P2RX5: variants seen among roughly 807,000 people sequenced by gnomAD.
P2RX5 encodes purinergic receptor P2X 5, also known as P2X purinoceptor 5.
In P2RX5, 46 loss-of-function variants were observed where a neutral mutation model predicts 54.1. That is an observed-to-expected ratio of 0.85 (90% CI 0.67 to 1.09). The LOEUF (loss-of-function observed/expected upper bound fraction) is 1.09, where lower values mean the gene tolerates loss of function less well. Ranked by LOEUF, P2RX5 falls within the 50% of genes least tolerant of loss-of-function variation. P2RX5 has a pLI of 0.00. For synonymous variants in P2RX5, 226 were observed against 226.4 expected (o/e 1.00, Z 0.02); for missense variants, 566 against 549.8 (o/e 1.03, Z -0.29).
intron 1 of P2RX5, among the ~76,000 whole-genome samples, chr17:3,692,242 G>A (rs1402845850): frequency 1.3e-5 from 2 of 151,920 alleles, no homozygotes; most frequent in Admixed American, 6.6e-5. Context: ...GCGTGAACCC[G>A]GGAGGCAGAG....
chr17:3,692,580 G>T (rs1389276144), intron 1 of P2RX5, among the ~76,000 whole-genome samples: 1 of 152,134 alleles, frequency 6.6e-6, no homozygotes, highest in Non-Finnish European at 1.5e-5. Flanking sequence ...GGTGGCTCGC[G>T]CCTGTACTCC....
chr17:3,683,748 A>AAGG (rs71379594), intron 9 of P2RX5, among the ~76,000 whole-genome samples: 1 of 142,410 alleles, frequency 7.0e-6, no homozygotes. Context: ...AAAAAAAAAA[A>AAGG]GAAAAGTGAT....
the P2RX5 span, among the ~76,000 whole-genome samples, chr17:3,702,761 A>C: frequency 1.3e-5 from 2 of 152,220 alleles, no homozygotes; most frequent in Non-Finnish European, 2.9e-5. Context: ...AGTCAGCGAG[A>C]CCAAGAACCC....
chr17:3,675,509 G>A (rs764475946), intron 11 of P2RX5: 196 of 984,960 alleles, frequency 2.0e-4, no homozygotes, highest in Non-Finnish European at 2.2e-4. Flanking sequence ...AAGGCTTTGC[G>A]TCAGTGAAGA....
Position 3,673,859 on chromosome 17 carries a change from A to C in P2RX5, c.*9T>G, listed in dbSNP as rs371288336. On this transcript the variant is annotated 3_prime_UTR_variant, in exon 12 of 12. Transcript: ENST00000225328. The stretch of plus-strand genomic sequence containing the variant: ...TTTAGGACAGGGCCTGAACGTAAGC[A>C]GAGGCAATTCACGTGCTCCTGGAAT... 1.1e-5 allele frequency: 18 copies of C among 1,613,078 alleles called. No homozygotes were observed. Among genetic ancestry groups the C allele is most frequent in the Non-Finnish European group, 1.4e-5 (16 of 1,179,962 alleles).
At chr17:3,699,917 G>A (rs28418752), upstream of P2RX5, among the ~76,000 whole-genome samples, 12,160 of 75,156 alleles carry the variant, frequency 0.16, 1,440 homozygotes, top group South Asian at 0.36. Flanking sequence ...AAGGAAGGAA[G>A]GAAAGAAAGA....
the P2RX5 span, among the ~76,000 whole-genome samples, chr17:3,723,024 A>T: frequency 6.6e-6 from 1 of 152,208 alleles, no homozygotes; most frequent in African/African-American, 2.4e-5. Context: ...TGGCCCTGAA[A>T]TGGCAGGGCT....
At chr17:3,718,980 C>T in the P2RX5 span, among the ~76,000 whole-genome samples, 1 of 151,868 alleles carries the variant, frequency 6.6e-6, no homozygotes, top group African/African-American at 2.4e-5. Flanking sequence ...GCCTGTAATC[C>T]CAGCACTTTG....
At chr17:3,710,646 G>A in the P2RX5 span, among the ~76,000 whole-genome samples, 1 of 151,940 alleles carries the variant, frequency 6.6e-6, no homozygotes, top group South Asian at 2.1e-4. Flanking sequence ...GACAGCAGGA[G>A]GCCGGGCGTG....
At chr17:3,681,367 T>G (rs971767453) in intron 10 of P2RX5, among the ~76,000 whole-genome samples, 4 of 139,366 alleles carry the variant, frequency 2.9e-5, no homozygotes, top group African/African-American at 1.0e-4. Context: ...CTTCCCGCCC[T>G]CCCACAGTCA....
rs769397396 is a variant in P2RX5, at chr17:3,673,300, A to C, written c.*568T>G. ...AGAATACATATCTTGGGCAGGTCCCAGAAAGCGTCTGCCATCTCCCCCACT... is the reference window on the plus strand; with the variant it reads ...AGAATACATATCTTGGGCAGGTCCCCGAAAGCGTCTGCCATCTCCCCCACT... On this transcript the variant is annotated 3_prime_UTR_variant, in exon 12 of 12. Transcript: ENST00000225328. 1.5e-5 allele frequency: 15 copies of C among 992,754 alleles called. No homozygotes were observed. Among genetic ancestry groups the C allele is most frequent in the Non-Finnish European group, 1.8e-5 (15 of 833,562 alleles). The allele number at this position is 992,754 out of a possible 1,614,324, so 61.5% of individuals were successfully genotyped here.
the P2RX5 span, among the ~76,000 whole-genome samples, chr17:3,704,598 A>G: frequency 1.3e-4 from 20 of 152,346 alleles, no homozygotes; most frequent in South Asian, 1.0e-3. Flanking sequence ...ACCGTAATTG[A>G]TGGGTTGGTA....
chr17:3,714,459 C>T, the P2RX5 span, among the ~76,000 whole-genome samples: 1 of 151,930 alleles, frequency 6.6e-6, no homozygotes, highest in South Asian at 2.1e-4. Flanking sequence ...ATCTCTTGAC[C>T]TCGTGATCTG....
the P2RX5 span, chr17:3,714,630 C>T: frequency 2.3e-6 from 1 of 431,798 alleles, no homozygotes; most frequent in Admixed American, 4.2e-5. Context: ...GGCACTACTG[C>T]AAAGAAAAGT....
chr17:3,683,745 A>G lies in P2RX5; in HGVS notation c.982-1767T>C, dbSNP rs993444818. On this transcript the variant is annotated intron_variant, in intron 9 of 11. Coordinates refer to ENST00000225328, the MANE Select transcript of P2RX5 (RefSeq NM_002561.4). ...ACTCCGTCTCAAAAAAAAAAAAAAA[A>G]AAAGAAAAGTGATAGCTGAAGGTGG... Among the ~76,000 whole-genome samples the G allele has an allele frequency of 8.1e-5, 12 of 148,008 alleles. 1 individual carries two copies. The highest frequency in any genetic ancestry group is 2.2e-4 in the African/African-American group (9 of 41,172).
At chr17:3,722,993 G>C in the P2RX5 span, among the ~76,000 whole-genome samples, 3 of 152,208 alleles carry the variant, frequency 2.0e-5, no homozygotes, top group African/African-American at 7.2e-5. Context: ...GGAGAGAAGT[G>C]AATGGGTTTA....
chr17:3,693,962 A>AC (rs1270630718), intron 1 of P2RX5, among the ~76,000 whole-genome samples: 1 of 151,896 alleles, frequency 6.6e-6, no homozygotes, highest in Admixed American at 6.6e-5. Context: ...ACGGGGTTTT[A>AC]CCACGTTGGT....
At chr17:3,722,688 A>G in the P2RX5 span, among the ~76,000 whole-genome samples, 1 of 152,202 alleles carries the variant, frequency 6.6e-6, no homozygotes, top group East Asian at 1.9e-4. Context: ...GGCGAGTACT[A>G]GGAGATGAAG....
upstream of P2RX5, among the ~76,000 whole-genome samples, chr17:3,699,874 A>AAAGAAAGAAAGAAAGG (rs1567744280): frequency 6.3e-3 from 267 of 42,284 alleles, 3 homozygotes; most frequent in East Asian, 0.02. Flanking sequence ...AGAAAGAAAG[A>AAAGAAAGAAAGAAAGG]AAGGAAGGAA....
Sources: allele counts gnomAD v4.1 joint callset (sites outside exome capture counted in the v4.1 genomes callset), GRCh38; gene constraint gnomAD v4.1.1; transcripts MANE v1.5; gene names NCBI Gene and HGNC (gene_info 2026-07-23, HGNC 2026-07-21).